Variants in PTHLH observed in about 807,000 individuals in gnomAD.
PTHLH encodes the protein parathyroid hormone like hormone.
In PTHLH, 5 loss-of-function variants were observed where a neutral mutation model predicts 18.6. The observed-to-expected ratio is 0.27, with a 90% CI of 0.14 to 0.56. PTHLH has a LOEUF of 0.56. PTHLH is among the 20% of genes least tolerant of loss of function. PTHLH has a pLI of 0.92. For synonymous variants in PTHLH, 90 were observed against 94.0 expected (o/e 0.96, Z 0.25); for missense variants, 207 against 223.9 (o/e 0.92, Z 0.48).
At chr12:27,966,989 A>G (rs2062820216) in intron 4 of PTHLH, among the ~76,000 whole-genome samples, 1 of 152,236 alleles carries the variant, frequency 6.6e-6, no homozygotes, top group Admixed American at 6.5e-5. Flanking sequence ...TACATGCAAG[A>G]GACAGGGTTA....
intron 5 of PTHLH, 117 bp downstream of exon 5, chr12:27,963,231 C>A (rs1325728218): frequency 1.3e-6 from 2 of 1,562,458 alleles, no homozygotes; most frequent in Non-Finnish European, 1.7e-6. Context: ...GCTACACAAT[C>A]GATAGAGATA....
chr12:27,963,300 C>T, intron 5 of PTHLH, 48 bp downstream of exon 5: 1 of 1,613,904 alleles, frequency 6.2e-7, no homozygotes, highest in Non-Finnish European at 8.5e-7. Context: ...GCTCCAAAAC[C>T]CAGCTGAGAG....
intron 4 of PTHLH, among the ~76,000 whole-genome samples, chr12:27,968,241 G>A (rs1298930813): frequency 2.6e-5 from 4 of 152,148 alleles, no homozygotes; most frequent in Non-Finnish European, 5.9e-5. Flanking sequence ...CCAAGGTTCC[G>A]ACATGTCTAA....
intron 5 of PTHLH, among the ~76,000 whole-genome samples, chr12:27,959,900 G>A (rs560844640): frequency 1.3e-5 from 2 of 152,214 alleles, no homozygotes; most frequent in African/African-American, 4.8e-5. Flanking sequence ...ATTCTTTACT[G>A]ATTTTTAAAT....
chr12:27,959,349 TA>T, intron 5 of PTHLH, among the ~76,000 whole-genome samples: 1 of 152,350 alleles, frequency 6.6e-6, no homozygotes, highest in East Asian at 1.9e-4. Context: ...TAAATTAATT[TA>T]AAAGTATAAA....
rs929810794 is a variant in PTHLH, at chr12:27,963,130, C to T, written c.524+218G>A. On this transcript the variant is annotated intron_variant, in intron 5 of 5. Coordinates refer to ENST00000545234, the MANE Select transcript of PTHLH (RefSeq NM_198965.2). ...GTGGAGAAAGAGGAATGGGCTCTAG[C>T]GCCTCTCTATGGTGCTGGAGGACAG... 9 of 1,433,748 alleles carry T rather than the reference C, an allele frequency of 6.3e-6. No individual in the cohort carries two copies. The South Asian group carries it at 1.2e-4, about 19-fold the overall frequency. 88.8% of individuals were successfully genotyped at this position (1,433,748 alleles called of 1,614,324 possible).
intron 4 of PTHLH, among the ~76,000 whole-genome samples, chr12:27,964,398 A>G (rs2062793600): frequency 6.6e-6 from 1 of 152,076 alleles, no homozygotes; most frequent in Non-Finnish European, 1.5e-5. Flanking sequence ...CTAGGAAACC[A>G]TCTGATTCAC....
chr12:27,962,232 C>CTAGATAGA (rs35742272), intron 5 of PTHLH: 21,862 of 255,006 alleles, frequency 0.086, 1,207 homozygotes, highest in African/African-American at 0.15. Context: ...ACATACCCCC[C>CTAGATAGA]TAGATAGATA....
intron 5 of PTHLH, chr12:27,961,993 C>A: frequency 1.4e-6 from 1 of 689,926 alleles, no homozygotes. Context: ...CACAGAAGTG[C>A]TGTACTGAAA....
chr12:27,962,594 G>A, intron 5 of PTHLH: 5 of 985,450 alleles, frequency 5.1e-6, no homozygotes, highest in Non-Finnish European at 6.0e-6. Context: ...ACATAAATGT[G>A]AAGTTTTATT....
intron 5 of PTHLH, 37 bp downstream of exon 5, chr12:27,963,311 C>G (rs1336358534): frequency 6.2e-7 from 1 of 1,613,972 alleles, no homozygotes; most frequent in Non-Finnish European, 8.5e-7. Context: ...CAGCTGAGAG[C>G]ACCCCGCTGA....
chr12:27,966,825 GGAA>G (rs1221908694), intron 4 of PTHLH, among the ~76,000 whole-genome samples: 1 of 152,124 alleles, frequency 6.6e-6, no homozygotes, highest in Non-Finnish European at 1.5e-5. Flanking sequence ...GAGTTTTTAG[GGAA>G]GAAGCTTAGA....
intron 5 of PTHLH, among the ~76,000 whole-genome samples, chr12:27,961,372 GATAGAT>G (rs2062759421): frequency 8.2e-6 from 1 of 121,678 alleles, no homozygotes; most frequent in Non-Finnish European, 1.8e-5. Context: ...TAGATAGATA[GATAGAT>G]ATAAATAGAT....
Position 27,963,590 on chromosome 12 carries a change from T to C in PTHLH, c.282A>G (p.Arg94=). ...PSPNTKNHPV[R]FGSDDEGRYL... ...ATCTGCCCTCATCATCAGACCCAAA[T>C]CGGACGGGGTGGTTCTTTGTGTTGG... The change falls in exon 5 of 6, where the codon CGA becomes CGG. Residue 94 remains arginine, a synonymous_variant. Coordinates refer to ENST00000545234, the MANE Select transcript of PTHLH (RefSeq NM_198965.2). 2 of 1,614,130 alleles carry C rather than the reference T, an allele frequency of 1.2e-6. No homozygotes were observed. The highest frequency in any genetic ancestry group is 8.5e-7 in the Non-Finnish European group (1 of 1,180,030).
chr12:27,963,287 G>C, intron 5 of PTHLH, 61 bp downstream of exon 5: 2 of 1,613,426 alleles, frequency 1.2e-6, no homozygotes, highest in Non-Finnish European at 1.7e-6. Flanking sequence ...AGGCAGAAGG[G>C]AGGCTCCAAA....
intron 4 of PTHLH, among the ~76,000 whole-genome samples, chr12:27,967,438 C>A (rs1361941066): frequency 6.6e-6 from 1 of 152,046 alleles, no homozygotes; most frequent in Non-Finnish European, 1.5e-5. Context: ...GGTGTGAAAA[C>A]CGGGGAGTAA....
intron 5 of PTHLH, chr12:27,961,838 C>T (rs2062764260): frequency 6.8e-6 from 4 of 592,456 alleles, no homozygotes; most frequent in South Asian, 2.2e-5. Context: ...GGTTCAAGGT[C>T]CCCTTTGAAG....
chr12:27,967,899 C>T (rs974861479), intron 4 of PTHLH, among the ~76,000 whole-genome samples: 2 of 152,134 alleles, frequency 1.3e-5, no homozygotes, highest in African/African-American at 4.8e-5. Flanking sequence ...TGTATATAAT[C>T]GTGAATCATT....
chr12:27,968,864 AC>A (rs1377174845), intron 4 of PTHLH, among the ~76,000 whole-genome samples: 1 of 152,238 alleles, frequency 6.6e-6, no homozygotes, highest in East Asian at 1.9e-4. Context: ...AGTTGTTGCT[AC>A]TTTATTATAT....
Sources: gnomAD v4.1 joint callset for allele counts (sites outside exome capture counted in the v4.1 genomes callset) on GRCh38, gnomAD v4.1.1 for gene constraint, MANE v1.5 for transcripts, NCBI Gene and HGNC (gene_info 2026-07-23, HGNC 2026-07-21) for gene names.